The following MCRIP1 variants were observed in gnomAD, a reference collection of about 807,000 sequenced individuals.
MCRIP1 encodes the protein mapk-regulated corepressor-interacting protein 1.
In MCRIP1, 10 loss-of-function variants were observed where a neutral mutation model predicts 14.4. That is an observed-to-expected ratio of 0.70 (90% confidence interval 0.43 to 1.18). The LOEUF is 1.18. Among genes scored for constraint, MCRIP1 ranks in the 50% most tolerant of loss-of-function variants. The pLI is 0.00. For synonymous variants in MCRIP1, 53 were observed against 55.7 expected, an observed-to-expected ratio of 0.95 and a Z score of 0.21; for missense variants, 119 against 135.4, an observed-to-expected ratio of 0.88 and a Z score of 0.60.
intron 1 of MCRIP1, among the ~76,000 whole-genome samples, chr17:81,829,858 T>C (rs2038482800): frequency 6.6e-6 from 1 of 152,226 alleles, no homozygotes; most frequent in African/African-American, 2.4e-5. Flanking sequence ...GATGTCTACA[T>C]GATCTTCCTG....
chr17:81,829,675 C>G (rs74006116), intron 1 of MCRIP1, among the ~76,000 whole-genome samples: 2 of 152,034 alleles, frequency 1.3e-5, no homozygotes, highest in East Asian at 3.8e-4. Context: ...GGAGGACCCT[C>G]GATGACACTC....
Position 81,822,962 on chromosome 17 carries a change from C to G in MCRIP1, c.*285G>C, listed in dbSNP as rs538050672. The G allele has an allele frequency of 9.0e-5, 52 of 578,976 alleles. No homozygotes were observed. The highest frequency in any genetic ancestry group is 8.4e-4 in the African/African-American group (45 of 53,562). The allele number at this position is 578,976 out of a possible 1,614,324, so 35.9% of individuals were successfully genotyped here. A position where few individuals can be genotyped will look rare whatever the true frequency, so the allele number is the denominator to read the frequency against. ...GGAGAGGAGAGAGGTCAGGTCAGGG[C>G]CCCTGGGGGCCAGGCAGCTTCAAAA... On this transcript the variant is annotated 3_prime_UTR_variant, in exon 5 of 5. Coordinates refer to ENST00000455127, the MANE Select transcript of MCRIP1 (RefSeq NM_207368.5).
rs1451454842 is a variant in MCRIP1 at position 81,823,387 on chromosome 17, T to G, written c.229+25A>C. The G allele has an allele frequency of 2.6e-6, 4 of 1,536,152 alleles. No homozygotes were observed. The South Asian group carries it at 3.6e-5, about 14-fold the overall frequency. Reference sequence around the variant, plus strand: ...GAGGCCCGGCCTGCCGGCCCAGCCCTGCCCCCAGGTCAGCCCCCACTCACT... The same window carrying G: ...GAGGCCCGGCCTGCCGGCCCAGCCCGGCCCCCAGGTCAGCCCCCACTCACT... On this transcript the variant is annotated intron_variant, in intron 4 of 4. Coordinates refer to ENST00000455127, the MANE Select transcript of MCRIP1 (RefSeq NM_207368.5). The surrounding 1 kb of genome is among the most constrained non-coding windows in gnomAD (Gnocchi z 6.0).
intron 1 of MCRIP1, 113 bp from the exon 2 acceptor site, chr17:81,824,667 T>C (rs1438667198): frequency 1.3e-6 from 2 of 1,500,076 alleles, no homozygotes; most frequent in African/African-American, 1.4e-5. Flanking sequence ...ACAAAGTGCA[T>C]GGTCCCTCTG....
intron 1 of MCRIP1, chr17:81,824,854 T>C: frequency 7.8e-7 from 1 of 1,285,218 alleles, no homozygotes. Context: ...CGTGGAGGCC[T>C]CAGCCCCAGC....
Position 81,823,570 on chromosome 17 carries a change from C to G in MCRIP1, c.128-57G>C. 6.9e-7 allele frequency: 1 copy of G among 1,442,856 alleles called. No homozygotes were observed. Among genetic ancestry groups the G allele is most frequent in the Non-Finnish European group, 9.4e-7 (1 of 1,064,568 alleles). 89.4% of individuals were successfully genotyped at this position (1,442,856 alleles called of 1,614,324 possible). A position where few individuals can be genotyped will look rare whatever the true frequency, so the allele number is the denominator to read the frequency against. On this transcript the variant is annotated intron_variant, in intron 3 of 4. Coordinates refer to ENST00000455127, the MANE Select transcript of MCRIP1 (RefSeq NM_207368.5). This position sits in a 1 kb window ranked among gnomAD's most constrained non-coding sequence, Gnocchi z 6.0. Reference sequence around the variant, plus strand: ...CCCCTGCCCCAGGGGGTGGCATCCACGTCACGAGAGTGCCTGCCCTCAGCT... The same window carrying G: ...CCCCTGCCCCAGGGGGTGGCATCCAGGTCACGAGAGTGCCTGCCCTCAGCT...
At chr17:81,825,451 G>T in intron 1 of MCRIP1, 1 of 1,194,344 alleles carries the variant, frequency 8.4e-7, no homozygotes. Context: ...GGAGTCCCAG[G>T]ATTCCCAGGA....
At chr17:81,826,304 T>G (rs1459333445) in intron 1 of MCRIP1, 5 of 1,534,688 alleles carry the variant, frequency 3.3e-6, no homozygotes, top group Non-Finnish European at 4.4e-6. Flanking sequence ...GCCACACACA[T>G]GCATACAACC....
At chr17:81,827,776 AT>A (rs757592037) in intron 1 of MCRIP1, among the ~76,000 whole-genome samples, 1,362 of 110,770 alleles carry the variant, frequency 0.012, 6 homozygotes, top group African/African-American at 0.033. Context: ...GCACCCATAC[AT>A]TTTTTTTTTT....
chr17:81,826,075 T>C (rs1242692731), intron 1 of MCRIP1: 2 of 1,467,120 alleles, frequency 1.4e-6, no homozygotes, highest in East Asian at 5.5e-5. Flanking sequence ...ATGCATCCTC[T>C]GCCTCCAGTG....
intron 1 of MCRIP1, chr17:81,826,104 A>C (rs1567825437): frequency 6.8e-7 from 1 of 1,479,494 alleles, no homozygotes; most frequent in Non-Finnish European, 9.0e-7. Flanking sequence ...GCCTTTATGC[A>C]GCCACACCTT....
In MCRIP1 at chr17:81,824,636, G is replaced by T. The variant is rs879204115; in HGVS notation, c.-48-82C>A. ...GGAGGGGGAGGCGCAGGGCACACCT[G>T]CCTCCTCCCTTCAGATGTGAACAAA... is the stretch of plus-strand genomic sequence containing the variant. On this transcript the variant is annotated intron_variant, in intron 1 of 4. Coordinates refer to ENST00000455127, the MANE Select transcript of MCRIP1 (RefSeq NM_207368.5). 1.4e-5 allele frequency: 22 copies of T among 1,525,224 alleles called. No individual in the cohort carries two copies. In the Middle Eastern group the frequency reaches 5.4e-4, roughly 37 times the overall value. 94.5% of individuals were successfully genotyped at this position (1,525,224 alleles called of 1,614,324 possible). A position where few individuals can be genotyped will look rare whatever the true frequency, so the allele number is the denominator to read the frequency against.
At chr17:81,825,501 G>T in intron 1 of MCRIP1, 2 of 1,224,130 alleles carry the variant, frequency 1.6e-6, no homozygotes, top group Non-Finnish European at 1.0e-6. Flanking sequence ...CCCACCCAGA[G>T]GCCCAAGGCT....
At position 81,824,278 on chromosome 17, in the gene MCRIP1, C is replaced by T. The variant is rs542966873; in HGVS notation, c.127+9G>A. ...CAGGGCAGGAGCTGTGTGTGGCAGG[C>T]GCACCCACCTTCGTAAATGAAGCGG... On this transcript the variant is annotated intron_variant, in intron 3 of 4. Transcript: ENST00000455127. 545 of 1,526,556 alleles carry T rather than the reference C, an allele frequency of 3.6e-4. 4 individuals are homozygous for T. In the South Asian group the frequency reaches 5.1e-3, roughly 14 times the overall value. The allele number at this position is 1,526,556 out of a possible 1,614,324, so 94.6% of individuals were successfully genotyped here.
At chr17:81,832,514 A>C (rs1377322205) in intron 1 of MCRIP1, among the ~76,000 whole-genome samples, 1 of 152,102 alleles carries the variant, frequency 6.6e-6, no homozygotes, top group Non-Finnish European at 1.5e-5. Context: ...AAGTCCACTC[A>C]CTGGTCCCTG....
intron 1 of MCRIP1, among the ~76,000 whole-genome samples, chr17:81,829,702 C>T (rs192533276): frequency 6.6e-6 from 1 of 152,310 alleles, no homozygotes; most frequent in African/African-American, 2.4e-5. Flanking sequence ...CCCAGGACCA[C>T]CCTTCCAGAG....
chr17:81,826,559 C>CTTGT, intron 1 of MCRIP1: 1 of 593,206 alleles, frequency 1.7e-6, no homozygotes, highest in Non-Finnish European at 2.9e-6. Context: ...GTGGCTCACG[C>CTTGT]TTGTAATCCC....
intron 1 of MCRIP1, among the ~76,000 whole-genome samples, chr17:81,829,581 C>T (rs1391641545): frequency 1.3e-5 from 2 of 152,234 alleles, no homozygotes; most frequent in Non-Finnish European, 2.9e-5. Flanking sequence ...ATTGCTAACA[C>T]GTCAGAATTT....
intron 1 of MCRIP1, chr17:81,825,760 G>A (rs1016094673): frequency 7.8e-7 from 1 of 1,289,412 alleles, no homozygotes; most frequent in Admixed American, 2.3e-5. Flanking sequence ...ACCCACGGCA[G>A]CACCCAGTTT....
Sources: allele counts gnomAD v4.1 joint callset (sites outside exome capture counted in the v4.1 genomes callset), GRCh38; gene constraint gnomAD v4.1.1; non-coding constraint Gnocchi (gnomAD v3.1); transcripts MANE v1.5; gene names NCBI Gene and HGNC (gene_info 2026-07-23, HGNC 2026-07-21).